The following SLC26A3 variants were observed in gnomAD, a reference collection of about 807,000 sequenced individuals.
SLC26A3 encodes the protein chloride anion exchanger.
A neutral mutation model predicts 85.6 loss-of-function variants in SLC26A3; 64 were observed. The ratio of observed to expected loss-of-function variants is 0.75; its 90% confidence interval spans 0.61 to 0.92. SLC26A3 has a LOEUF of 0.92. Ranked by LOEUF, SLC26A3 falls within the 40% of genes least tolerant of loss-of-function variation. SLC26A3 has a pLI of 0.00. For synonymous variants in SLC26A3, 349 were observed against 336.0 expected (o/e 1.04, Z -0.42); for missense variants, 922 against 927.3 (o/e 0.99, Z 0.07).
At chr7:107,773,039 A>G (rs966060174) in intron 17 of SLC26A3, among the ~76,000 whole-genome samples, 45 of 152,196 alleles carry the variant, frequency 3.0e-4, no homozygotes, top group African/African-American at 1.1e-3. Flanking sequence ...TTTTCTTTTT[A>G]TATGTTTCTG....
At chr7:107,776,779 TC>T in intron 13 of SLC26A3, 73 bp from the exon 14 acceptor site, 1 of 1,357,006 alleles carries the variant, frequency 7.4e-7, no homozygotes, top group Non-Finnish European at 1.0e-6. Flanking sequence ...ACTGACTTTT[TC>T]CAGCATACCA....
intron 11 of SLC26A3, among the ~76,000 whole-genome samples, chr7:107,780,509 T>C (rs1046117534): frequency 3.9e-5 from 6 of 152,194 alleles, no homozygotes; most frequent in African/African-American, 1.2e-4. Context: ...TTTATCGTAA[T>C]TGTAGGAACA....
intron 8 of SLC26A3, among the ~76,000 whole-genome samples, chr7:107,784,044 A>G (rs147878538): frequency 3.2e-4 from 48 of 152,290 alleles, no homozygotes; most frequent in African/African-American, 1.1e-3. Flanking sequence ...CTCAACATCA[A>G]TTTACTAAAA....
At chr7:107,791,742 T>C in intron 4 of SLC26A3, 88 bp downstream of exon 4, 2 of 887,842 alleles carry the variant, frequency 2.3e-6, no homozygotes, top group South Asian at 2.7e-5. Context: ...CTGGATTATG[T>C]GAAATTTGGA....
intron 4 of SLC26A3, 21 bp from the exon 5 acceptor site, chr7:107,791,256 C>A: frequency 2.5e-6 from 4 of 1,611,910 alleles, no homozygotes; most frequent in Non-Finnish European, 3.4e-6. Context: ...GTGGGTGAAT[C>A]GTGGTCAGTA....
chr7:107,789,723 T>C, intron 5 of SLC26A3, 35 bp from the exon 6 acceptor site: 2 of 1,598,950 alleles, frequency 1.3e-6, no homozygotes, highest in Admixed American at 1.7e-5. Flanking sequence ...TCAGCATAGA[T>C]TAGGAGTATA....
rs778701842 is a variant in SLC26A3, at chr7:107,793,743, T to C, written c.270A>G (p.Gln90=). The change falls in exon 3 of 21, where the codon CAA becomes CAG. Residue 90 remains glutamine (Q), a splice_region_variant and synonymous_variant. Coordinates refer to ENST00000340010, the MANE Select transcript of SLC26A3 (RefSeq NM_000111.3). ...AATTATACTTAAAAAAAATTTTACC[T>C]TGTAGTACGGCCACAATCCCTGTGC... is the stretch of plus-strand genomic sequence containing the variant. ...GISTGIVAVL[Q]GLAFALLVDI... is the part of the protein sequence containing the mutation. The C allele has an allele frequency of 1.2e-5, 19 of 1,613,040 alleles. No individual in the cohort carries two copies. In the African/African-American group the frequency reaches 2.5e-4, roughly 22 times the overall value.
At chr7:107,796,129 A>AGACAG (rs1794494793) in intron 1 of SLC26A3, among the ~76,000 whole-genome samples, 2 of 149,810 alleles carry the variant, frequency 1.3e-5, no homozygotes, top group African/African-American at 5.0e-5. Flanking sequence ...TTATTATTAG[A>AGACAG]GACAGGATCT....
At chr7:107,781,442 G>T (rs1340823172) in intron 11 of SLC26A3, among the ~76,000 whole-genome samples, 1 of 152,150 alleles carries the variant, frequency 6.6e-6, no homozygotes, top group Non-Finnish European at 1.5e-5. Context: ...TCTTGGACAA[G>T]ATTTGGTAAT....
At chr7:107,788,409 C>G (rs1794333943) in intron 6 of SLC26A3, among the ~76,000 whole-genome samples, 1 of 152,110 alleles carries the variant, frequency 6.6e-6, no homozygotes, top group Admixed American at 6.5e-5. Flanking sequence ...GAACTGCTGC[C>G]CTATCTACAT....
chr7:107,765,804 AGTT>A lies in SLC26A3; in HGVS notation c.*48_*50del, dbSNP rs1452642848. The A allele has an allele frequency of 7.4e-7, 1 of 1,344,614 alleles. No homozygotes were observed. The highest frequency in any genetic ancestry group is 1.1e-6 in the Non-Finnish European group (1 of 935,284). 83.3% of individuals were successfully genotyped at this position (1,344,614 alleles called of 1,614,324 possible). On this transcript the variant is annotated 3_prime_UTR_variant, in exon 21 of 21. Coordinates refer to ENST00000340010, the MANE Select transcript of SLC26A3 (RefSeq NM_000111.3). ...CTTATCAATAACTTTCTGGGTATAA[AGTT>A]GTTTTTATGTCATAGTCAGATGAAG...
chr7:107,791,573 C>G (rs1331119193), intron 4 of SLC26A3, among the ~76,000 whole-genome samples: 1 of 152,028 alleles, frequency 6.6e-6, no homozygotes, highest in Non-Finnish European at 1.5e-5. Context: ...GATCGTGCCA[C>G]TGCACTCCAA....
chr7:107,802,119 C>T (rs892977845), intron 1 of SLC26A3, among the ~76,000 whole-genome samples: 7 of 149,414 alleles, frequency 4.7e-5, no homozygotes, highest in African/African-American at 1.7e-4. Context: ...AAGGAATGAT[C>T]TTTATGCAGT....
rs762953026 is a variant in SLC26A3, at chr7:107,789,574, T to C, written c.685A>G (p.Ile229Val). ...VHVLVSQLKFIFQLTVPSHTD... is the reference protein window; with the variant it reads ...VHVLVSQLKFVFQLTVPSHTD... ...TGTGACGGGACTGTCAACTGAAAAA[T>C]GAATTTGAGTTGGGAAACCAAAACA... Residue 229 changes from isoleucine (I) to valine (V), a missense_variant, in exon 6 of 21, where the codon ATT (isoleucine) becomes GTT (valine). Physicochemically the swap from Ile to Val is conservative, Grantham distance 29 (BLOSUM62 3). Coordinates refer to ENST00000340010, the MANE Select transcript of SLC26A3 (RefSeq NM_000111.3). 1.9e-6 allele frequency: 3 copies of C among 1,613,998 alleles called. No individual in the cohort carries two copies. The highest frequency in any genetic ancestry group is 1.6e-4 in the Middle Eastern group (1 of 6,062).
At chr7:107,781,784 C>T (rs977818111) in intron 11 of SLC26A3, among the ~76,000 whole-genome samples, 2 of 151,998 alleles carry the variant, frequency 1.3e-5, no homozygotes, top group African/African-American at 2.4e-5. Context: ...CGGCTACCAA[C>T]CAACAAGGAA....
At chr7:107,778,360 CTTT>C (rs10681903) in intron 12 of SLC26A3, 79 bp from the exon 13 acceptor site, 340 of 463,886 alleles carry the variant, frequency 7.3e-4, no homozygotes, top group East Asian at 1.2e-3. Context: ...TTTAAAAAGA[CTTT>C]TTTTTTTTTT....
intron 1 of SLC26A3, among the ~76,000 whole-genome samples, chr7:107,801,326 A>C (rs1407076290): frequency 6.6e-6 from 1 of 151,682 alleles, no homozygotes; most frequent in Non-Finnish European, 1.5e-5. Flanking sequence ...GACAAGGTAA[A>C]AGAACAAGGT....
At chr7:107,799,484 G>C (rs1794567081) in intron 1 of SLC26A3, among the ~76,000 whole-genome samples, 1 of 152,080 alleles carries the variant, frequency 6.6e-6, no homozygotes, top group Non-Finnish European at 1.5e-5. Flanking sequence ...TCCACCTTCT[G>C]GGTTCAAGTG....
At chr7:107,801,048 C>G (rs1186464238) in intron 1 of SLC26A3, among the ~76,000 whole-genome samples, 2 of 152,202 alleles carry the variant, frequency 1.3e-5, no homozygotes, top group Non-Finnish European at 2.9e-5. Context: ...AAAAGAGAAT[C>G]CCTGGCCATT....
Sources: gnomAD v4.1 joint callset for allele counts (sites outside exome capture counted in the v4.1 genomes callset) on GRCh38, gnomAD v4.1.1 for gene constraint, MANE v1.5 for transcripts, NCBI Gene and HGNC (gene_info 2026-07-23, HGNC 2026-07-21) for gene names.